The following IST1 variants were observed in gnomAD, a reference collection of about 807,000 sequenced individuals.
The protein encoded by IST1 is IST1 homolog.
IST1 carries 23 observed loss-of-function variants against 37.0 expected under a neutral mutation model. The ratio of observed to expected loss-of-function variants is 0.62; its 90% CI spans 0.45 to 0.88. The LOEUF (loss-of-function observed/expected upper bound fraction) is 0.88, where lower values mean the gene tolerates loss of function less well. Ranked by LOEUF, IST1 falls within the 40% of genes least tolerant of loss-of-function variation. IST1 has a pLI of 0.00. For missense variants in IST1, 488 were observed against 445.4 expected (o/e 1.10, Z -0.86); for synonymous variants, 180 against 161.7 (o/e 1.11, Z -0.86).
upstream of IST1, chr16:71,894,882 T>C (rs1256865032): frequency 5.4e-6 from 8 of 1,473,446 alleles, no homozygotes. Flanking sequence ...AAGTTTTCTC[T>C]GAATACCGAG....
chr16:71,897,172 CTT>C (rs35671031), intron 1 of IST1, among the ~76,000 whole-genome samples: 28 of 65,508 alleles, frequency 4.3e-4, no homozygotes, highest in South Asian at 6.7e-4. Context: ...CCACGCCTGG[CTT>C]TTTTTTTTTT....
In IST1 at chr16:71,930,153, A is replaced by G; in HGVS notation, c.*2340A>G. The stretch of plus-strand genomic sequence containing the variant: ...AAGATGACACTGGTGAGGATCAGAA[A>G]GGTGCCCAGGACTGGGTCTAAAGCG... On this transcript the variant is annotated 3_prime_UTR_variant, in exon 10 of 10. Transcript: ENST00000378799. 1.3e-6 allele frequency: 2 copies of G among 1,551,370 alleles called. No homozygotes were observed. Among genetic ancestry groups the G allele is most frequent in the Non-Finnish European group, 1.7e-6 (2 of 1,146,760 alleles).
intron 1 of IST1, among the ~76,000 whole-genome samples, chr16:71,905,433 C>T (rs180794042): frequency 2.7e-5 from 4 of 149,908 alleles, no homozygotes; most frequent in East Asian, 2.0e-4. Flanking sequence ...GGCTGGAGTG[C>T]GATGGCACCA....
At chr16:71,909,587 G>T (rs2037306663) in intron 1 of IST1, among the ~76,000 whole-genome samples, 1 of 152,098 alleles carries the variant, frequency 6.6e-6, no homozygotes, top group Non-Finnish European at 1.5e-5. Context: ...ATTAAATACT[G>T]CCAAATTAGT....
In IST1 at chr16:71,923,397, C is replaced by G. The variant is rs753627903; in HGVS notation, c.852+17C>G. On this transcript the variant is annotated intron_variant, in intron 8 of 9. Coordinates refer to ENST00000378799, the MANE Select transcript of IST1 (RefSeq NM_001270975.2). ...TATGAATCTGTAAGTGCCTGAGCCT[C>G]TTTTATAAGCAACAGGAGAGTGAAT... is the stretch of plus-strand genomic sequence containing the variant. 27 of 1,489,724 alleles carry G rather than the reference C, an allele frequency of 1.8e-5. No homozygotes were observed. In the East Asian group the frequency reaches 5.7e-4, roughly 31 times the overall value. The allele number at this position is 1,489,724 out of a possible 1,614,324, so 92.3% of individuals were successfully genotyped here.
chr16:71,923,967 T>G, intron 8 of IST1: 1 of 362,756 alleles, frequency 2.8e-6, no homozygotes. Context: ...TTGAGACCTG[T>G]CTCCATCTAG....
intron 1 of IST1, among the ~76,000 whole-genome samples, chr16:71,898,564 A>G (rs1261798080): frequency 6.6e-6 from 1 of 150,668 alleles, no homozygotes; most frequent in Non-Finnish European, 1.5e-5. Flanking sequence ...GGCGCCTGTA[A>G]TACTTGGGAG....
intron 7 of IST1, chr16:71,922,926 C>G (rs1647925142): frequency 3.5e-6 from 2 of 566,208 alleles, no homozygotes; most frequent in Non-Finnish European, 6.3e-6. Flanking sequence ...TACTGAATAT[C>G]TTTGGGATCT....
intron 1 of IST1, among the ~76,000 whole-genome samples, chr16:71,904,155 G>A (rs1339251264): frequency 1.3e-5 from 2 of 152,060 alleles, no homozygotes; most frequent in African/African-American, 2.4e-5. Flanking sequence ...ACGGAGTTTC[G>A]CTGTTGTTGC....
intron 9 of IST1, 43 bp from the exon 10 acceptor site, chr16:71,927,571 A>G: frequency 7.4e-7 from 1 of 1,353,160 alleles, no homozygotes; most frequent in East Asian, 2.3e-5. Context: ...GATCTGAGTC[A>G]TTTCTCTGGT....
upstream of IST1, chr16:71,895,080 C>T (rs1164536218): frequency 9.8e-6 from 4 of 407,740 alleles, no homozygotes; most frequent in East Asian, 9.0e-5. Context: ...GGCTTCGAAA[C>T]CCCCTCGGCC....
At chr16:71,923,569 T>C (rs2037662712) in intron 8 of IST1, 189 bp downstream of exon 8, 2 of 440,298 alleles carry the variant, frequency 4.5e-6, no homozygotes, top group South Asian at 6.4e-5. Context: ...GGCAGTATCA[T>C]TGGTGGCAAT....
chr16:71,927,831 A>G lies in IST1; in HGVS notation c.*18A>G, dbSNP rs764020629. 1.3e-6 allele frequency: 2 copies of G among 1,595,440 alleles called. No homozygotes were observed. Among genetic ancestry groups the G allele is most frequent in the Non-Finnish European group, 1.7e-6 (2 of 1,164,786 alleles). On this transcript the variant is annotated 3_prime_UTR_variant, in exon 10 of 10. Coordinates refer to ENST00000378799, the MANE Select transcript of IST1 (RefSeq NM_001270975.2). Reference sequence around the variant, plus strand: ...AAACATAGGTCTCTTAAACCAGGCAACTTTCACGTTTTGGGAGTTGAGACT... The same window carrying G: ...AAACATAGGTCTCTTAAACCAGGCAGCTTTCACGTTTTGGGAGTTGAGACT...
chr16:71,896,702 A>G (rs1597226551), intron 1 of IST1, among the ~76,000 whole-genome samples: 1 of 152,142 alleles, frequency 6.6e-6, no homozygotes, highest in East Asian at 1.9e-4. Context: ...AAAACTGGCC[A>G]GATGTGGTGG....
At chr16:71,902,489 C>T (rs1597233484) in intron 1 of IST1, among the ~76,000 whole-genome samples, 2 of 152,264 alleles carry the variant, frequency 1.3e-5, no homozygotes, top group East Asian at 1.9e-4. Context: ...AACCTGGTTT[C>T]GAACTCTTGA....
At chr16:71,918,492 C>G (rs1322232023) in intron 4 of IST1, among the ~76,000 whole-genome samples, 1 of 149,602 alleles carries the variant, frequency 6.7e-6, no homozygotes, top group African/African-American at 2.5e-5. Flanking sequence ...TTTTGGCTCA[C>G]TGCAACCTCT....
At chr16:71,922,731 A>T (rs2037636022) in intron 7 of IST1, 51 bp downstream of exon 7, 4 of 1,468,446 alleles carry the variant, frequency 2.7e-6, no homozygotes, top group Non-Finnish European at 3.7e-6. Flanking sequence ...TATAGATAAC[A>T]AGTTGGCTCT....
intron 4 of IST1, 152 bp from the exon 5 acceptor site, chr16:71,920,587 A>G (rs1392664915): frequency 3.3e-6 from 2 of 599,794 alleles, no homozygotes; most frequent in African/African-American, 3.7e-5. Context: ...TGGATGAACA[A>G]ATAGTGGATT....
upstream of IST1, chr16:71,895,052 AAGAGT>A (rs2142507645): frequency 2.1e-6 from 1 of 487,494 alleles, no homozygotes; most frequent in East Asian, 3.6e-5. Context: ...GCGCTGGGTG[AAGAGT>A]CAGGGATACG....
Sources: allele counts gnomAD v4.1 joint callset (sites outside exome capture counted in the v4.1 genomes callset), GRCh38; gene constraint gnomAD v4.1.1; transcripts MANE v1.5; gene names NCBI Gene and HGNC (gene_info 2026-07-23, HGNC 2026-07-21).